PPP2R2B: variants seen among roughly 807,000 people sequenced by gnomAD.
PPP2R2B encodes serine/threonine-protein phosphatase 2A 55 kDa regulatory subunit B beta isoform.
Under a neutral mutation model 46.0 loss-of-function variants are expected in PPP2R2B, and 5 were observed. The observed-to-expected ratio is 0.11, with a 90% CI of 0.06 to 0.23. PPP2R2B has a LOEUF of 0.23. Among genes scored for constraint, PPP2R2B ranks in the 10% least tolerant of loss-of-function variants. PPP2R2B has a pLI of 1.00. For missense variants in PPP2R2B, 367 were observed against 575.0 expected, an observed-to-expected ratio of 0.64 and a Z score of 3.70; for synonymous variants, 215 against 206.7, an observed-to-expected ratio of 1.04 and a Z score of -0.34.
intron 1 of PPP2R2B, among the ~76,000 whole-genome samples, chr5:146,942,514 C>T (rs1764352372): frequency 6.6e-6 from 1 of 152,082 alleles, no homozygotes; most frequent in South Asian, 2.1e-4. Flanking sequence ...TGCACTTGTG[C>T]AATTACTTCT....
chr5:146,842,029 A>G (rs1302434681), intron 2 of PPP2R2B, among the ~76,000 whole-genome samples: 1 of 152,216 alleles, frequency 6.6e-6, no homozygotes, highest in Admixed American at 6.5e-5. Flanking sequence ...ACTCTGAGAC[A>G]GGGATTCATC....
At chr5:146,990,688 C>T (rs1050675876) in intron 1 of PPP2R2B, among the ~76,000 whole-genome samples, 4 of 151,948 alleles carry the variant, frequency 2.6e-5, no homozygotes, top group African/African-American at 9.7e-5. Context: ...TGCAAAAGCA[C>T]AGAAACAAAA....
intron 2 of PPP2R2B, among the ~76,000 whole-genome samples, chr5:146,738,923 G>T (rs1210987659): frequency 6.6e-6 from 1 of 152,142 alleles, no homozygotes; most frequent in Non-Finnish European, 1.5e-5. Flanking sequence ...CTGCCATTGA[G>T]GATATTACTG....
At chr5:146,861,731 T>G (rs1157008983) in intron 2 of PPP2R2B, among the ~76,000 whole-genome samples, 1 of 152,212 alleles carries the variant, frequency 6.6e-6, no homozygotes, top group Non-Finnish European at 1.5e-5. Flanking sequence ...AATATATTTT[T>G]GTTGCCATTT....
intron 2 of PPP2R2B, among the ~76,000 whole-genome samples, chr5:146,872,377 A>G (rs1196251910): frequency 6.6e-6 from 1 of 152,234 alleles, no homozygotes; most frequent in Non-Finnish European, 1.5e-5. Context: ...ACATTCATCC[A>G]TATGCATTGG....
chr5:146,735,234 A>C (rs895059750), intron 2 of PPP2R2B, among the ~76,000 whole-genome samples: 11 of 152,214 alleles, frequency 7.2e-5, no homozygotes, highest in Non-Finnish European at 1.6e-4. Context: ...GATTTAGATC[A>C]TTTAAATCCC....
chr5:146,670,413 T>C (rs1254290555), intron 5 of PPP2R2B, among the ~76,000 whole-genome samples: 1 of 152,062 alleles, frequency 6.6e-6, no homozygotes, highest in African/African-American at 2.4e-5. Flanking sequence ...ATTAGAATAG[T>C]GTTTTCTAAA....
intron 2 of PPP2R2B, among the ~76,000 whole-genome samples, chr5:146,734,326 G>T (rs1377318247): frequency 1.3e-5 from 2 of 152,040 alleles, no homozygotes; most frequent in African/African-American, 4.8e-5. Flanking sequence ...CAATCTGCTG[G>T]GATTACAGGT....
At chr5:146,697,931 G>A (rs371526147) in intron 4 of PPP2R2B, 48 bp downstream of exon 4, 8 of 1,548,384 alleles carry the variant, frequency 5.2e-6, no homozygotes, top group Non-Finnish European at 7.0e-6. Flanking sequence ...GAAGTATATA[G>A]TTTGGCCGAC....
intron 1 of PPP2R2B, among the ~76,000 whole-genome samples, chr5:146,935,848 T>C (rs567816079): frequency 6.6e-6 from 1 of 152,294 alleles, no homozygotes; most frequent in East Asian, 1.9e-4. Context: ...TGCATATGCT[T>C]GGACTCAGAT....
chr5:146,833,802 T>C (rs1019289295), intron 2 of PPP2R2B, among the ~76,000 whole-genome samples: 11 of 143,632 alleles, frequency 7.7e-5, no homozygotes, highest in Admixed American at 6.2e-4. Flanking sequence ...ATTTAATTAC[T>C]GATCCCCTCA....
At position 147,055,919 on chromosome 5, in the gene PPP2R2B, G is replaced by A. The variant is rs187746202; in HGVS notation, c.-176C>T. 60 of 1,430,040 alleles carry A rather than the reference G, an allele frequency of 4.2e-5. No homozygotes were observed. The East Asian group carries it at 5.3e-4, about 13-fold the overall frequency. 88.6% of individuals were successfully genotyped at this position (1,430,040 alleles called of 1,614,324 possible). A position where few individuals can be genotyped will look rare whatever the true frequency, so the allele number is the denominator to read the frequency against. On this transcript the variant is annotated 5_prime_UTR_variant, in exon 1 of 9. Coordinates refer to the PPP2R2B transcript ENST00000336640. ...AGATGGGTCCCATTTTGCCATCAGC[G>A]CCAGGAAGCACTGCCTTACATTTCT... is the stretch of plus-strand genomic sequence containing the variant.
At chr5:146,972,895 T>G (rs1018977901) in intron 1 of PPP2R2B, among the ~76,000 whole-genome samples, 1 of 152,202 alleles carries the variant, frequency 6.6e-6, no homozygotes. Flanking sequence ...AATAAGCCTT[T>G]TCTCTGTAAT....
In PPP2R2B at chr5:146,854,903, G is replaced by A. The variant is rs539577904; in HGVS notation, c.70+23099C>T. Among the ~76,000 whole-genome samples the A allele has an allele frequency of 4.6e-5, 7 of 152,176 alleles. No homozygotes were observed. In the East Asian group the frequency reaches 5.8e-4, roughly 13 times the overall value. On this transcript the variant is annotated intron_variant, in intron 2 of 9. Transcript: ENST00000394411. The stretch of plus-strand genomic sequence containing the variant: ...AAATTTGGACTCTGAACTGTCTCTC[G>A]CAGTTTTTATGTTTTTAGAAATTTT...
At chr5:146,793,240 T>C (rs1365623764) in intron 2 of PPP2R2B, among the ~76,000 whole-genome samples, 1 of 152,164 alleles carries the variant, frequency 6.6e-6, no homozygotes. Flanking sequence ...CAGTTGTAGG[T>C]GAAAAAGGTT....
intron 1 of PPP2R2B, among the ~76,000 whole-genome samples, chr5:146,902,034 G>A (rs1290521133): frequency 1.3e-5 from 2 of 152,144 alleles, no homozygotes; most frequent in Non-Finnish European, 2.9e-5. Flanking sequence ...AATCTCTGAA[G>A]AGCTGAAAGC....
intron 7 of PPP2R2B, among the ~76,000 whole-genome samples, chr5:146,620,384 GAT>G (rs1491144074): frequency 1.3e-5 from 2 of 152,164 alleles, no homozygotes; most frequent in East Asian, 3.9e-4. Flanking sequence ...ATTCTGGAAA[GAT>G]ATTGATTGAA....
intron 1 of PPP2R2B, among the ~76,000 whole-genome samples, chr5:146,933,026 T>C (rs1425944923): frequency 6.6e-6 from 1 of 152,170 alleles, no homozygotes; most frequent in Non-Finnish European, 1.5e-5. Flanking sequence ...TGCTAAAATA[T>C]TCACGTGGGA....
At chr5:146,971,324 C>T (rs762450767) in intron 1 of PPP2R2B, among the ~76,000 whole-genome samples, 5 of 152,202 alleles carry the variant, frequency 3.3e-5, no homozygotes, top group Non-Finnish European at 5.9e-5. Context: ...CTTCCAGATG[C>T]ATTTTAATGC....
Sources: allele counts gnomAD v4.1 joint callset (sites outside exome capture counted in the v4.1 genomes callset), GRCh38; gene constraint gnomAD v4.1.1; transcripts MANE v1.5; gene names NCBI Gene and HGNC (gene_info 2026-07-23, HGNC 2026-07-21).